Variants in LPAR3 observed in about 807,000 individuals in gnomAD.
The protein encoded by LPAR3 is LPA receptor 3.
Under a neutral mutation model 17.8 loss-of-function variants are expected in LPAR3, and 7 were observed. The observed-to-expected ratio is 0.39, with a 90% CI of 0.22 to 0.74. The LOEUF is 0.74. LPAR3 is among the 30% of genes least tolerant of loss of function. LPAR3 has a pLI of 0.40. For missense variants in LPAR3, 391 were observed against 453.4 expected, an observed-to-expected ratio of 0.86 and a Z score of 1.25; for synonymous variants, 179 against 179.9, an observed-to-expected ratio of 0.99 and a Z score of 0.04.
chr1:84,835,584 C>T (rs1659387022), intron 2 of LPAR3, among the ~76,000 whole-genome samples: 1 of 152,168 alleles, frequency 6.6e-6, no homozygotes, highest in South Asian at 2.1e-4. Flanking sequence ...AGATCTGGAA[C>T]CTCCTACTTA....
In LPAR3 at chr1:84,818,937, T is replaced by G. The variant is rs1450542798; in HGVS notation, c.737-4766A>C. 2.0e-5 allele frequency among the ~76,000 whole-genome samples: 3 copies of G among 152,234 alleles called. No individual in the cohort carries two copies. In the East Asian group the frequency reaches 5.8e-4, roughly 29 times the overall value. ...TTTCATTTTTTTCTATGTTTCGCTT[T>G]TTTCCCCCTCTCTTTTTTCGTATTG... On this transcript the variant is annotated intron_variant, in intron 2 of 2. Transcript: ENST00000370611.
At position 84,865,367 on chromosome 1, in the gene LPAR3, T is replaced by A; in HGVS notation, c.736+18A>T. 1 of 1,590,676 alleles carries A rather than the reference T, an allele frequency of 6.3e-7. No homozygotes were observed. The highest frequency in any genetic ancestry group is 8.6e-7 in the Non-Finnish European group (1 of 1,167,690). Reference sequence around the variant, plus strand: ...TGAATGAATGGGAATGATGGCTTGCTTGGGTCCTCTTACCTACCTAAGACA... The same window carrying A: ...TGAATGAATGGGAATGATGGCTTGCATGGGTCCTCTTACCTACCTAAGACA... On this transcript the variant is annotated intron_variant, in intron 2 of 2. Coordinates refer to ENST00000370611, the MANE Select transcript of LPAR3 (RefSeq NM_012152.3).
chr1:84,813,128 T>C lies in LPAR3; in HGVS notation c.*718A>G, dbSNP rs1440002100. 1 of 83,484 alleles carries C rather than the reference T, an allele frequency of 1.2e-5. No individual in the cohort carries two copies. Among genetic ancestry groups the C allele is most frequent in the African/African-American group, 4.2e-5 (1 of 23,992 alleles). The allele number at this position is 83,484 out of a possible 1,614,324, so 5.2% of individuals were successfully genotyped here. ...CAATAAAAATCAGTAAAAACAGGAA[T>C]ATATATATATATATATATATATATA... On this transcript the variant is annotated 3_prime_UTR_variant, in exon 3 of 3. Coordinates refer to ENST00000370611, the MANE Select transcript of LPAR3 (RefSeq NM_012152.3).
chr1:84,846,627 T>A (rs1570878923), intron 2 of LPAR3, among the ~76,000 whole-genome samples: 2 of 152,158 alleles, frequency 1.3e-5, no homozygotes, highest in East Asian at 3.8e-4. Flanking sequence ...CTGTAAGAGG[T>A]CAGTGAGAAG....
chr1:84,854,641 T>C (rs546925745), intron 2 of LPAR3, among the ~76,000 whole-genome samples: 6 of 152,306 alleles, frequency 3.9e-5, no homozygotes, highest in African/African-American at 1.2e-4. Flanking sequence ...CCATGTCTCA[T>C]AGTTAGTACA....
intron 2 of LPAR3, among the ~76,000 whole-genome samples, chr1:84,858,099 T>C (rs1659862546): frequency 6.6e-6 from 1 of 152,052 alleles, no homozygotes; most frequent in Non-Finnish European, 1.5e-5. Context: ...TAAGAAGCAT[T>C]CAAAAAATGC....
chr1:84,874,394 A>G (rs1287081230), intron 1 of LPAR3, among the ~76,000 whole-genome samples: 2 of 152,206 alleles, frequency 1.3e-5, no homozygotes, highest in Non-Finnish European at 2.9e-5. Context: ...GTTCTCTCCC[A>G]ATCAAGTGGG....
intron 1 of LPAR3, among the ~76,000 whole-genome samples, chr1:84,881,356 T>C (rs1660361975): frequency 6.6e-6 from 1 of 152,182 alleles, no homozygotes; most frequent in East Asian, 1.9e-4. Context: ...TCTCTAAAAC[T>C]GGCATAATCA....
intron 2 of LPAR3, among the ~76,000 whole-genome samples, chr1:84,825,683 C>T (rs1659142136): frequency 6.6e-6 from 1 of 152,156 alleles, no homozygotes; most frequent in Non-Finnish European, 1.5e-5. Context: ...TTTATAAGCT[C>T]CCTCTGTTTA....
intron 2 of LPAR3, among the ~76,000 whole-genome samples, chr1:84,839,807 A>T (rs1659475114): frequency 1.3e-5 from 2 of 152,248 alleles, no homozygotes; most frequent in Non-Finnish European, 2.9e-5. Flanking sequence ...GACCTGGGGT[A>T]ACTTATTTAA....
intron 1 of LPAR3, among the ~76,000 whole-genome samples, chr1:84,876,300 C>T (rs1660256774): frequency 6.6e-6 from 1 of 152,170 alleles, no homozygotes; most frequent in Admixed American, 6.5e-5. Flanking sequence ...AATCTCATCA[C>T]ATGCATCTTC....
intron 1 of LPAR3, among the ~76,000 whole-genome samples, chr1:84,891,462 T>A (rs1245777914): frequency 6.6e-6 from 1 of 152,172 alleles, no homozygotes; most frequent in Non-Finnish European, 1.5e-5. Context: ...TCGCTCGTCT[T>A]TTTAGTATAG....
In LPAR3 at chr1:84,861,727, G is replaced by T. The variant is rs34180618; in HGVS notation, c.736+3658C>A. On this transcript the variant is annotated intron_variant, in intron 2 of 2. Transcript: ENST00000370611. ...CCCTGAACTTCCTGTCTTCCACCAG[G>T]TTCCTCTGTCTTACCATTAAGGAAC... Among the ~76,000 whole-genome samples the T allele has an allele frequency of 2.0e-3, 300 of 152,220 alleles. 1 individual carries two copies. The highest frequency in any genetic ancestry group is 6.9e-3 in the African/African-American group (287 of 41,538).
intron 2 of LPAR3, among the ~76,000 whole-genome samples, chr1:84,853,722 T>C (rs1423094605): frequency 6.6e-6 from 1 of 152,110 alleles, no homozygotes; most frequent in Non-Finnish European, 1.5e-5. Flanking sequence ...TCCTGGGGAC[T>C]CTCCTATTGT....
intron 2 of LPAR3, among the ~76,000 whole-genome samples, chr1:84,840,857 C>T (rs953861911): frequency 5.0e-4 from 76 of 152,302 alleles, no homozygotes; most frequent in African/African-American, 1.7e-3. Flanking sequence ...GTATTGCATC[C>T]CTTGTCAGGG....
chr1:84,882,094 C>T (rs1660376642), intron 1 of LPAR3, among the ~76,000 whole-genome samples: 2 of 152,150 alleles, frequency 1.3e-5, no homozygotes, highest in South Asian at 4.1e-4. Flanking sequence ...CCAAAGATGC[C>T]ACCAAAACAC....
At chr1:84,861,322 G>T (rs1659937384) in intron 2 of LPAR3, among the ~76,000 whole-genome samples, 1 of 152,122 alleles carries the variant, frequency 6.6e-6, no homozygotes, top group African/African-American at 2.4e-5. Context: ...AAGATACTGT[G>T]GTAGGTGCTG....
intron 2 of LPAR3, among the ~76,000 whole-genome samples, chr1:84,861,424 C>T (rs903671806): frequency 1.3e-4 from 19 of 151,764 alleles, no homozygotes; most frequent in Admixed American, 4.6e-4. Flanking sequence ...CTCTCTCTCC[C>T]TCTCTCTCTC....
At chr1:84,827,707 T>C (rs959428286) in intron 2 of LPAR3, among the ~76,000 whole-genome samples, 6 of 152,188 alleles carry the variant, frequency 3.9e-5, no homozygotes, top group African/African-American at 1.4e-4. Context: ...TGACCGCATC[T>C]GGTAAGAACT....
Sources: gnomAD v4.1 joint callset for allele counts (sites outside exome capture counted in the v4.1 genomes callset) on GRCh38, gnomAD v4.1.1 for gene constraint, MANE v1.5 for transcripts, NCBI Gene and HGNC (gene_info 2026-07-23, HGNC 2026-07-21) for gene names.